AIG1: variants seen among roughly 807,000 people sequenced by gnomAD.
AIG1 encodes androgen-induced gene 1 protein.
AIG1 carries 23 observed loss-of-function variants against 31.4 expected under a neutral mutation model. The observed-to-expected ratio is 0.73, with a 90% CI of 0.53 to 1.04. The LOEUF is 1.04. Among genes scored for constraint, AIG1 ranks in the 50% least tolerant of loss-of-function variants. AIG1 has a pLI of 0.00. For synonymous variants in AIG1, 100 were observed against 110.5 expected (o/e 0.90, Z 0.60); for missense variants, 274 against 295.0 (o/e 0.93, Z 0.52).
chr6:143,231,640 G>C (rs75774897), intron 3 of AIG1, among the ~76,000 whole-genome samples: 1,891 of 152,306 alleles, frequency 0.012, 50 homozygotes, highest in African/African-American at 0.043. Flanking sequence ...AGCTGTAATA[G>C]TATATCTTAT....
Position 143,330,683 on chromosome 6 carries a change from T to C in AIG1, c.516-2599T>C, listed in dbSNP as rs926313359. Among the ~76,000 whole-genome samples, 1 of 152,326 alleles carries C rather than the reference T, an allele frequency of 6.6e-6. No homozygotes were observed. The highest frequency in any genetic ancestry group is 1.5e-5 in the Non-Finnish European group (1 of 68,036). On this transcript the variant is annotated intron_variant, in intron 4 of 5. Coordinates refer to ENST00000357847, the MANE Select transcript of AIG1 (RefSeq NM_016108.4). The surrounding 1 kb of genome is among the most constrained non-coding windows in gnomAD (Gnocchi z 4.4). ...CACATTTAATCCAGATCCATCCGAC[T>C]GCTCCAGTGCAAACACCCTGTAGCA...
intron 1 of AIG1, among the ~76,000 whole-genome samples, chr6:143,077,263 T>C (rs1024116072): frequency 6.6e-6 from 1 of 152,184 alleles, no homozygotes; most frequent in African/African-American, 2.4e-5. Context: ...TATAGTAAAA[T>C]ATTATGTTAC....
At chr6:143,086,089 T>A (rs1778753470) in intron 1 of AIG1, among the ~76,000 whole-genome samples, 1 of 152,244 alleles carries the variant, frequency 6.6e-6, no homozygotes, top group Non-Finnish European at 1.5e-5. Flanking sequence ...TTTTTCTATT[T>A]TATTCTGTTA....
At chr6:143,295,315 C>T (rs1798348352) in intron 4 of AIG1, among the ~76,000 whole-genome samples, 1 of 152,172 alleles carries the variant, frequency 6.6e-6, no homozygotes, top group African/African-American at 2.4e-5. Context: ...TCCAAAGGAT[C>T]CCAGAGTAAT....
At chr6:143,156,207 C>T (rs1785732133) in intron 2 of AIG1, among the ~76,000 whole-genome samples, 1 of 152,174 alleles carries the variant, frequency 6.6e-6, no homozygotes, top group Admixed American at 6.5e-5. Context: ...ATACATGTAA[C>T]ACATCTACTG....
At chr6:143,186,226 T>C (rs921498719) in intron 3 of AIG1, among the ~76,000 whole-genome samples, 1 of 152,198 alleles carries the variant, frequency 6.6e-6, no homozygotes, top group Admixed American at 6.5e-5. Flanking sequence ...AAATTTAAAT[T>C]GTCATTATAT....
intron 3 of AIG1, among the ~76,000 whole-genome samples, chr6:143,273,752 T>G (rs1448129785): frequency 6.6e-6 from 1 of 152,122 alleles, no homozygotes. Context: ...CTTGTGAGAC[T>G]TATTCACTAC....
Position 143,291,106 on chromosome 6 carries a change from C to T in AIG1, c.515+6881C>T, listed in dbSNP as rs1435196511. Among the ~76,000 whole-genome samples, 3 of 152,176 alleles carry T rather than the reference C, an allele frequency of 2.0e-5. No individual in the cohort carries two copies. The highest frequency in any genetic ancestry group is 4.4e-5 in the Non-Finnish European group (3 of 68,044). ...ATGAGGCAGGAATTTAGGAAGCTGACTCGTTAGCCTTCCTTATATCTCCTA... is the reference window on the plus strand; with the variant it reads ...ATGAGGCAGGAATTTAGGAAGCTGATTCGTTAGCCTTCCTTATATCTCCTA... On this transcript the variant is annotated intron_variant, in intron 4 of 5. Transcript: ENST00000357847. This position sits in a 1 kb window ranked among gnomAD's most constrained non-coding sequence, Gnocchi z 4.2.
rs541919688 is a variant in AIG1, at chr6:143,310,635, T to TA, written c.516-22638dup. ...AATTAAAGAAGAAATAAATAAAATT[T>TA]AAAAAAAAACAATAAAAGCCAAGGC... is the stretch of plus-strand genomic sequence containing the variant. On this transcript the variant is annotated intron_variant, in intron 4 of 5. Coordinates refer to ENST00000357847, the MANE Select transcript of AIG1 (RefSeq NM_016108.4). Among the ~76,000 whole-genome samples, 1,324 of 146,580 alleles carry TA rather than the reference T, an allele frequency of 9.0e-3. 41 individuals are homozygous for TA. The highest frequency in any genetic ancestry group is 0.057 in the East Asian group (290 of 5,046).
chr6:143,117,760 A>G (rs147965892), intron 1 of AIG1, among the ~76,000 whole-genome samples: 161 of 152,292 alleles, frequency 1.1e-3, no homozygotes, highest in African/African-American at 3.6e-3. Flanking sequence ...AAGAGCTCCA[A>G]CGACTGAGCA....
At position 143,331,168 on chromosome 6, in the gene AIG1, C is replaced by T. The variant is rs914012510; in HGVS notation, c.516-2114C>T. ...GTTTTTTTTTTCCTAATTTCCACCACAGGAACATTTTTTATTGTGCTAAAA... is the reference window on the plus strand; with the variant it reads ...GTTTTTTTTTTCCTAATTTCCACCATAGGAACATTTTTTATTGTGCTAAAA... On this transcript the variant is annotated intron_variant, in intron 4 of 5. Coordinates refer to ENST00000357847, the MANE Select transcript of AIG1 (RefSeq NM_016108.4). This position sits in a 1 kb window ranked among gnomAD's most constrained non-coding sequence, Gnocchi z 4.1. 6.6e-6 allele frequency among the ~76,000 whole-genome samples: 1 copy of T among 151,970 alleles called. No individual in the cohort carries two copies. The highest frequency in any genetic ancestry group is 2.4e-5 in the African/African-American group (1 of 41,374).
chr6:143,239,561 C>A (rs1794075465), intron 3 of AIG1, among the ~76,000 whole-genome samples: 1 of 152,226 alleles, frequency 6.6e-6, no homozygotes, highest in African/African-American at 2.4e-5. Flanking sequence ...CTATCTCCCA[C>A]CTCTTTCACC....
intron 3 of AIG1, among the ~76,000 whole-genome samples, chr6:143,244,022 A>G (rs953122318): frequency 6.6e-6 from 1 of 152,208 alleles, no homozygotes; most frequent in Non-Finnish European, 1.5e-5. Flanking sequence ...TTTACTTTCT[A>G]TGATCAGCAC....
chr6:143,212,064 A>C lies in AIG1; in HGVS notation c.399+46881A>C, dbSNP rs551601014. On this transcript the variant is annotated intron_variant, in intron 3 of 5. Coordinates refer to ENST00000357847, the MANE Select transcript of AIG1 (RefSeq NM_016108.4). ...GTGGGGCCTGGGGGCTGTTCTGTGC[A>C]TTGTAGAATGTTTAGCAACATCCCT... Among the ~76,000 whole-genome samples the C allele has an allele frequency of 7.2e-4, 109 of 152,034 alleles. 2 individuals are homozygous for C. The highest frequency in any genetic ancestry group is 1.4e-3 in the Non-Finnish European group (97 of 67,998).
chr6:143,106,484 T>C (rs1295763440), intron 1 of AIG1, among the ~76,000 whole-genome samples: 1 of 152,224 alleles, frequency 6.6e-6, no homozygotes, highest in Non-Finnish European at 1.5e-5. Context: ...TCTACATTCA[T>C]TGAGGTCAGG....
At chr6:143,220,799 A>G (rs1288042148) in intron 3 of AIG1, among the ~76,000 whole-genome samples, 1 of 152,192 alleles carries the variant, frequency 6.6e-6, no homozygotes, top group Non-Finnish European at 1.5e-5. Context: ...CTGGCAGCAC[A>G]TTTATTACTG....
At chr6:143,225,987 T>C (rs878954151) in intron 3 of AIG1, among the ~76,000 whole-genome samples, 1 of 152,136 alleles carries the variant, frequency 6.6e-6, no homozygotes, top group Non-Finnish European at 1.5e-5. Flanking sequence ...TTTAGCAAAT[T>C]TAAAAAACAA....
intron 3 of AIG1, among the ~76,000 whole-genome samples, chr6:143,177,326 ATTG>A (rs1449496885): frequency 6.6e-5 from 10 of 152,190 alleles, no homozygotes; most frequent in East Asian, 5.8e-4. Flanking sequence ...TACTTAGAGA[ATTG>A]TTGTGTTCTT....
rs1314318736 is a variant in AIG1, at chr6:143,256,969, T to C, written c.400-27141T>C. On this transcript the variant is annotated intron_variant, in intron 3 of 5. Coordinates refer to ENST00000357847, the MANE Select transcript of AIG1 (RefSeq NM_016108.4). This position sits in a 1 kb window ranked among gnomAD's most constrained non-coding sequence, Gnocchi z 4.6. ...AGGAGGCTAGAAATCTTAAATGATA[T>C]AATTGGCTTTGGAAGCATTTTTAAG... is the stretch of plus-strand genomic sequence containing the variant. Among the ~76,000 whole-genome samples the C allele has an allele frequency of 1.3e-5, 2 of 152,220 alleles. No individual in the cohort carries two copies. The highest frequency in any genetic ancestry group is 2.4e-5 in the African/African-American group (1 of 41,452).
Sources: allele counts gnomAD v4.1 joint callset (sites outside exome capture counted in the v4.1 genomes callset), GRCh38; gene constraint gnomAD v4.1.1; non-coding constraint Gnocchi (gnomAD v3.1); transcripts MANE v1.5; gene names NCBI Gene and HGNC (gene_info 2026-07-23, HGNC 2026-07-21).